Variants in CNNM2 observed in about 807,000 individuals in gnomAD.
CNNM2 encodes metal transporter CNNM2.
Under a neutral mutation model 66.9 loss-of-function variants are expected in CNNM2, and 12 were observed. That is an observed-to-expected ratio of 0.18 (90% CI 0.11 to 0.29). The LOEUF is 0.29. CNNM2 is among the 10% of genes least tolerant of loss of function. CNNM2 has a pLI of 1.00. For missense variants in CNNM2, 705 were observed against 1,167.7 expected (o/e 0.60, Z 5.77); for synonymous variants, 557 against 501.8 (o/e 1.11, Z -1.47).
intron 1 of CNNM2, among the ~76,000 whole-genome samples, chr10:103,049,460 A>G (rs2065181278): frequency 6.6e-6 from 1 of 152,224 alleles, no homozygotes; most frequent in African/African-American, 2.4e-5. Context: ...ACCATTAGGA[A>G]GCAGAGAACA....
rs1436203105 is a variant in CNNM2, at chr10:103,084,413, A to G, written c.*7233A>G. ...ACTACCTGAAAGTAGAATGAGGTGTATCTTAGCCCAGTGAAATGCTGTCTT... is the reference window on the plus strand; with the variant it reads ...ACTACCTGAAAGTAGAATGAGGTGTGTCTTAGCCCAGTGAAATGCTGTCTT... On this transcript the variant is annotated 3_prime_UTR_variant, in exon 8 of 8. Coordinates refer to ENST00000369878, the MANE Select transcript of CNNM2 (RefSeq NM_017649.5). 1 of 152,200 alleles carries G rather than the reference A, an allele frequency of 6.6e-6. No individual in the cohort carries two copies. The highest frequency in any genetic ancestry group is 1.5e-5 in the Non-Finnish European group (1 of 68,048). The allele number at this position is 152,200 out of a possible 1,614,324, so 9.4% of individuals were successfully genotyped here. A position where few individuals can be genotyped will look rare whatever the true frequency, so the allele number is the denominator to read the frequency against.
rs61870837 is a variant in CNNM2, at chr10:102,971,095, A to G, written c.1621+50994A>G. Among the ~76,000 whole-genome samples, 1,759 of 151,702 alleles carry G rather than the reference A, an allele frequency of 0.012. 20 individuals are homozygous for G. The highest frequency in any genetic ancestry group is 0.016 in the Non-Finnish European group (1,069 of 67,904). ...TTGCCTCTAGTCCTGGTTACTCAGTAGGCTGAGGTGGGAGGATCCCTTGAG... is the reference window on the plus strand; with the variant it reads ...TTGCCTCTAGTCCTGGTTACTCAGTGGGCTGAGGTGGGAGGATCCCTTGAG... On this transcript the variant is annotated intron_variant, in intron 1 of 7. Coordinates refer to ENST00000369878, the MANE Select transcript of CNNM2 (RefSeq NM_017649.5).
At position 102,962,205 on chromosome 10, in the gene CNNM2, G is replaced by C. The variant is rs78260931; in HGVS notation, c.1621+42104G>C. On this transcript the variant is annotated intron_variant, in intron 1 of 7. Transcript: ENST00000369878. Reference sequence around the variant, plus strand: ...GGTAGGGAGAGCATCAGGATACATAGCTAATGCATGCGGGGCTTAATATCT... The same window carrying C: ...GGTAGGGAGAGCATCAGGATACATACCTAATGCATGCGGGGCTTAATATCT... Among the ~76,000 whole-genome samples, 13,462 of 152,224 alleles carry C rather than the reference G, an allele frequency of 0.088. 829 individuals are homozygous for C. Among genetic ancestry groups the C allele is most frequent in the East Asian group, 0.28 (1,432 of 5,176 alleles).
intron 1 of CNNM2, among the ~76,000 whole-genome samples, chr10:103,015,351 AC>A (rs1246621755): frequency 1.3e-5 from 2 of 152,096 alleles, no homozygotes; most frequent in African/African-American, 2.4e-5. Flanking sequence ...ACAATCTCTT[AC>A]CTGCTCTAGA....
Position 103,088,813 on chromosome 10 carries a change from A to T in CNNM2, c.*11633A>T, listed in dbSNP as rs1483467794. 1 of 190,182 alleles carries T rather than the reference A, an allele frequency of 5.3e-6. No individual in the cohort carries two copies. The highest frequency in any genetic ancestry group is 1.1e-5 in the Non-Finnish European group (1 of 90,614). The allele number at this position is 190,182 out of a possible 1,614,324, so 11.8% of individuals were successfully genotyped here. ...TTTTAATATACAGCAATCAACTCTT[A>T]GAGGACAAAGAAATCTGGAATTGGG... On this transcript the variant is annotated 3_prime_UTR_variant, in exon 8 of 8. Coordinates refer to ENST00000369878, the MANE Select transcript of CNNM2 (RefSeq NM_017649.5).
At chr10:102,983,999 A>G (rs1434553791) in intron 1 of CNNM2, among the ~76,000 whole-genome samples, 2 of 144,498 alleles carry the variant, frequency 1.4e-5, no homozygotes, top group African/African-American at 5.2e-5. Context: ...CAGGTGATCC[A>G]CCCGCCTTGG....
intron 1 of CNNM2, among the ~76,000 whole-genome samples, chr10:102,958,479 T>G (rs1488946202): frequency 3.1e-5 from 4 of 130,652 alleles, no homozygotes; most frequent in East Asian, 2.2e-4. Flanking sequence ...TTTTTTTTTT[T>G]TTTTTTTTTT....
At chr10:103,039,458 A>G (rs1197177232) in intron 1 of CNNM2, among the ~76,000 whole-genome samples, 1 of 152,144 alleles carries the variant, frequency 6.6e-6, no homozygotes, top group Non-Finnish European at 1.5e-5. Flanking sequence ...GTTGATCTCC[A>G]CAGTAGTCCG....
chr10:103,012,855 C>T (rs1349462129), intron 1 of CNNM2, among the ~76,000 whole-genome samples: 1 of 152,116 alleles, frequency 6.6e-6, no homozygotes. Flanking sequence ...ACTGAACATT[C>T]TCCAGTGCTA....
intron 1 of CNNM2, among the ~76,000 whole-genome samples, chr10:102,938,479 G>A (rs1846319491): frequency 2.0e-5 from 3 of 150,866 alleles, no homozygotes; most frequent in East Asian, 1.9e-4. Context: ...AATTAGCTGA[G>A]CATGGTGGCA....
intron 6 of CNNM2, among the ~76,000 whole-genome samples, chr10:103,073,305 C>G (rs1590508404): frequency 6.6e-6 from 1 of 152,224 alleles, no homozygotes; most frequent in East Asian, 1.9e-4. Flanking sequence ...ACAGGAGACT[C>G]AGAATTACTG....
chr10:103,007,312 G>A (rs983643678), intron 1 of CNNM2, among the ~76,000 whole-genome samples: 5 of 152,186 alleles, frequency 3.3e-5, no homozygotes, highest in African/African-American at 1.2e-4. Context: ...AAGGGTCTAT[G>A]TTCAGTGGTA....
chr10:103,023,624 C>T (rs959133715), intron 1 of CNNM2, among the ~76,000 whole-genome samples: 7 of 152,120 alleles, frequency 4.6e-5, no homozygotes, highest in Non-Finnish European at 1.0e-4. Flanking sequence ...GAGGAGTCCA[C>T]CCCCATGATC....
Position 103,054,504 on chromosome 10 carries a change from C to G in CNNM2, c.1903+38C>G. ...TATCACAGTTTGAGATCTCTACCAA[C>G]CCTGAAGCGTGTTTCTCACCCACCA... On this transcript the variant is annotated intron_variant, in intron 3 of 7. Transcript: ENST00000369878. The surrounding 1 kb of genome is among the most constrained non-coding windows in gnomAD (Gnocchi z 5.2). 6.3e-7 allele frequency: 1 copy of G among 1,597,564 alleles called. No individual in the cohort carries two copies. The highest frequency in any genetic ancestry group is 8.6e-7 in the Non-Finnish European group (1 of 1,169,450).
At chr10:102,970,689 A>G (rs1416757405) in intron 1 of CNNM2, among the ~76,000 whole-genome samples, 1 of 152,158 alleles carries the variant, frequency 6.6e-6, no homozygotes, top group Non-Finnish European at 1.5e-5. Context: ...ACTGATCAGC[A>G]TGGGAATTTT....
chr10:103,049,726 C>T lies in CNNM2; in HGVS notation c.1641C>T (p.Ile547=), dbSNP rs1174356832. The part of the protein sequence containing the change: ...EFKKGKSHLA[I]VQRVNNEGEG... ...CTAAAGGTAAATCTCACCTGGCTAT[C>T]GTGCAGCGGGTAAACAATGAGGGAG... Residue 547 remains isoleucine (I), a synonymous_variant, in exon 2 of 8, where the codon ATC becomes ATT. Transcript: ENST00000369878. 4 of 1,613,516 alleles carry T rather than the reference C, an allele frequency of 2.5e-6. No homozygotes were observed. The highest frequency in any genetic ancestry group is 2.2e-5 in the East Asian group (1 of 44,898).
chr10:102,985,616 C>T (rs564899195), intron 1 of CNNM2, among the ~76,000 whole-genome samples: 1 of 152,306 alleles, frequency 6.6e-6, no homozygotes, highest in African/African-American at 2.4e-5. Context: ...ATCAAGTCTC[C>T]AAACTGCGTG....
intron 1 of CNNM2, among the ~76,000 whole-genome samples, chr10:102,992,056 C>G (rs1012373762): frequency 3.3e-5 from 5 of 152,140 alleles, no homozygotes; most frequent in Non-Finnish European, 5.9e-5. Context: ...TATGTACATG[C>G]TGATGTATTA....
chr10:102,977,238 C>T (rs1248386188), intron 1 of CNNM2, among the ~76,000 whole-genome samples: 1 of 152,078 alleles, frequency 6.6e-6, no homozygotes, highest in East Asian at 1.9e-4. Context: ...TGTTTGGGAA[C>T]AAGCATTTTG....
Sources: allele counts gnomAD v4.1 joint callset (sites outside exome capture counted in the v4.1 genomes callset), GRCh38; gene constraint gnomAD v4.1.1; non-coding constraint Gnocchi (gnomAD v3.1); transcripts MANE v1.5; gene names NCBI Gene and HGNC (gene_info 2026-07-23, HGNC 2026-07-21).